Variants in ITCH observed in about 807,000 individuals in gnomAD.
ITCH encodes itchy E3 ubiquitin protein ligase.
ITCH carries 28 observed loss-of-function variants against 126.8 expected under a neutral mutation model. The ratio of observed to expected loss-of-function variants is 0.22; its 90% CI spans 0.16 to 0.30. ITCH has a LOEUF of 0.30. Ranked by LOEUF, ITCH falls within the 10% of genes least tolerant of loss-of-function variation. The pLI, the probability that ITCH is intolerant of heterozygous loss-of-function variation, is 1.00. For missense variants in ITCH, 631 were observed against 1,032.4 expected (o/e 0.61, Z 5.33); for synonymous variants, 342 against 340.0 (o/e 1.01, Z -0.06).
At chr20:34,477,300 G>A (rs1600449342) in intron 16 of ITCH, among the ~76,000 whole-genome samples, 1 of 152,214 alleles carries the variant, frequency 6.6e-6, no homozygotes, top group African/African-American at 2.4e-5. Context: ...GGAGGCCAAG[G>A]CCGGTGGATC....
chr20:34,442,143 G>T, intron 9 of ITCH, 65 bp from the exon 10 acceptor site: 1 of 1,139,210 alleles, frequency 8.8e-7, no homozygotes. Flanking sequence ...GAAATGCAAA[G>T]ACAGGATTAA....
At chr20:34,494,562 A>G (rs957730252) in intron 23 of ITCH, among the ~76,000 whole-genome samples, 1 of 152,160 alleles carries the variant, frequency 6.6e-6, no homozygotes, top group African/African-American at 2.4e-5. Context: ...ATACATGTAT[A>G]CAATATATAA....
chr20:34,387,955 G>A (rs960409584), intron 2 of ITCH, among the ~76,000 whole-genome samples: 1 of 152,024 alleles, frequency 6.6e-6, no homozygotes, highest in African/African-American at 2.4e-5. Context: ...CACCCGCCTC[G>A]GCCTCCCAAA....
At chr20:34,387,814 C>T (rs2038343192) in intron 2 of ITCH, among the ~76,000 whole-genome samples, 1 of 151,924 alleles carries the variant, frequency 6.6e-6, no homozygotes, top group South Asian at 2.1e-4. Context: ...AAGCGGTTCT[C>T]TTGCCTCAGC....
At chr20:34,473,134 C>T (rs1033489200) in intron 16 of ITCH, among the ~76,000 whole-genome samples, 4 of 152,128 alleles carry the variant, frequency 2.6e-5, no homozygotes, top group East Asian at 3.8e-4. Flanking sequence ...AATTTGATTG[C>T]TTAAAGGTAA....
At chr20:34,380,706 C>T (rs1293131540) in intron 2 of ITCH, among the ~76,000 whole-genome samples, 1 of 149,124 alleles carries the variant, frequency 6.7e-6, no homozygotes, top group Non-Finnish European at 1.5e-5. Flanking sequence ...CTGCCTTTGC[C>T]TCCTAAGGTG....
intron 12 of ITCH, among the ~76,000 whole-genome samples, chr20:34,451,676 C>G (rs769971776): frequency 6.6e-6 from 1 of 152,016 alleles, no homozygotes; most frequent in East Asian, 1.9e-4. Flanking sequence ...CTAGAGTTTC[C>G]CAGCTTTATT....
chr20:34,426,088 G>A (rs1307490641), intron 7 of ITCH, among the ~76,000 whole-genome samples: 5 of 152,372 alleles, frequency 3.3e-5, no homozygotes, highest in Non-Finnish European at 5.9e-5. Flanking sequence ...ATTAGGAAAG[G>A]AGATGATTCT....
rs977078251 is a variant in ITCH at position 34,414,776 on chromosome 20, G to A, written c.475+897G>A. ...ATTACAGGCGTGAGCCACTGCATCC[G>A]GCCTCTAAATCCTTCTTAACACTGT... On this transcript the variant is annotated intron_variant, in intron 6 of 24. Coordinates refer to ENST00000374864, the MANE Select transcript of ITCH (RefSeq NM_031483.7). 5.5e-4 allele frequency among the ~76,000 whole-genome samples: 84 copies of A among 152,010 alleles called. 1 individual carries two copies. The highest frequency in any genetic ancestry group is 2.0e-3 in the African/African-American group (81 of 41,394).
At chr20:34,370,104 G>A (rs2037563943) in intron 2 of ITCH, among the ~76,000 whole-genome samples, 1 of 143,724 alleles carries the variant, frequency 7.0e-6, no homozygotes, top group Non-Finnish European at 1.5e-5. Context: ...ACCCTGTCTC[G>A]GAAAAAAAAA....
intron 9 of ITCH, 147 bp from the exon 10 acceptor site, chr20:34,442,061 C>T (rs1983830871): frequency 4.3e-6 from 3 of 693,834 alleles, no homozygotes; most frequent in South Asian, 3.1e-5. Flanking sequence ...CACTTTATTC[C>T]TAAATTGTAT....
chr20:34,427,698 GTAT>G (rs1420067158), intron 7 of ITCH, among the ~76,000 whole-genome samples: 1 of 152,064 alleles, frequency 6.6e-6, no homozygotes, highest in Non-Finnish European at 1.5e-5. Flanking sequence ...TCTTTTTTTA[GTAT>G]TATTATATTT....
chr20:34,454,817 GTTTTTTTTTT>G (rs200486269), intron 12 of ITCH, among the ~76,000 whole-genome samples: 39 of 109,556 alleles, frequency 3.6e-4, no homozygotes, highest in African/African-American at 1.3e-3. Flanking sequence ...TTCTTTTCCT[GTTTTTTTTTT>G]TTTTTTTTTT....
At chr20:34,482,268 A>C (rs1988806137) in intron 20 of ITCH, among the ~76,000 whole-genome samples, 1 of 152,184 alleles carries the variant, frequency 6.6e-6, no homozygotes, top group Non-Finnish European at 1.5e-5. Context: ...ATGCCTTCTC[A>C]ACAGTCCCCA....
chr20:34,480,661 G>A lies in ITCH; in HGVS notation c.1881G>A (p.Leu627=). The change falls in exon 19 of 25, where the codon TTG becomes TTA. Residue 627 remains leucine, a synonymous_variant. Transcript: ENST00000374864. ...GFSLPFYKRI[L]NKPVGLKDLE... is the part of the protein sequence containing the mutation. Reference sequence around the variant, plus strand: ...CTTTACCATTCTATAAGCGTATCTTGAACAAACCAGTTGGACTCAAGGATT... The same window carrying A: ...CTTTACCATTCTATAAGCGTATCTTAAACAAACCAGTTGGACTCAAGGATT... 6.2e-7 allele frequency: 1 copy of A among 1,612,668 alleles called. No individual in the cohort carries two copies. Among genetic ancestry groups the A allele is most frequent in the Non-Finnish European group, 8.5e-7 (1 of 1,178,808 alleles).
intron 2 of ITCH, among the ~76,000 whole-genome samples, chr20:34,382,303 A>G (rs2038093803): frequency 6.6e-6 from 1 of 152,186 alleles, no homozygotes; most frequent in African/African-American, 2.4e-5. Flanking sequence ...AATCTGAATA[A>G]CAATGCTTTT....
intron 10 of ITCH, among the ~76,000 whole-genome samples, chr20:34,444,612 T>G (rs1037614591): frequency 6.6e-6 from 1 of 151,928 alleles, no homozygotes; most frequent in African/African-American, 2.4e-5. Flanking sequence ...AGGAAGTTAG[T>G]TGTGTTCTTG....
intron 2 of ITCH, among the ~76,000 whole-genome samples, chr20:34,369,947 TA>T (rs1238518649): frequency 4.0e-5 from 6 of 149,778 alleles, no homozygotes; most frequent in South Asian, 4.2e-4. Flanking sequence ...CCACACAAAA[TA>T]AAAAAAAATC....
chr20:34,482,825 C>G (rs1988852281), intron 20 of ITCH, among the ~76,000 whole-genome samples: 1 of 152,210 alleles, frequency 6.6e-6, no homozygotes, highest in African/African-American at 2.4e-5. Context: ...CCACACTGAC[C>G]TAGCAGAGGT....
Sources: gnomAD v4.1 joint callset for allele counts (sites outside exome capture counted in the v4.1 genomes callset) on GRCh38, gnomAD v4.1.1 for gene constraint, MANE v1.5 for transcripts, NCBI Gene and HGNC (gene_info 2026-07-23, HGNC 2026-07-21) for gene names.